The following ENPP3 variants were observed in gnomAD, a reference collection of about 807,000 sequenced individuals.
ENPP3 encodes ectonucleotide pyrophosphatase/phosphodiesterase 3.
In ENPP3, 104 loss-of-function variants were observed where a neutral mutation model predicts 117.8. The ratio of observed to expected loss-of-function variants is 0.88; its 90% CI spans 0.75 to 1.04. ENPP3 has a LOEUF of 1.04. Among genes scored for constraint, ENPP3 ranks in the 50% least tolerant of loss-of-function variants. ENPP3 has a pLI of 0.00. For synonymous variants in ENPP3, 380 were observed against 349.9 expected (o/e 1.09, Z -0.96); for missense variants, 1,026 against 1,051.9 (o/e 0.98, Z 0.34).
At chr6:131,641,944 G>A (rs1167888771) in intron 2 of ENPP3, among the ~76,000 whole-genome samples, 1 of 151,064 alleles carries the variant, frequency 6.6e-6, no homozygotes, top group African/African-American at 2.4e-5. Flanking sequence ...ACAGGTGTGT[G>A]CCACCACACC....
intron 21 of ENPP3, among the ~76,000 whole-genome samples, chr6:131,736,100 C>T (rs1421214718): frequency 6.6e-6 from 1 of 152,202 alleles, no homozygotes; most frequent in Non-Finnish European, 1.5e-5. Flanking sequence ...CAGAGGGATG[C>T]AGCACTTTGC....
chr6:131,721,592 CATACA>C (rs1780034065), intron 17 of ENPP3, among the ~76,000 whole-genome samples: 1 of 151,732 alleles, frequency 6.6e-6, no homozygotes, highest in Non-Finnish European at 1.5e-5. Context: ...TTCTATGAAA[CATACA>C]AATACATTTT....
chr6:131,667,178 G>A (rs980888629), intron 6 of ENPP3, among the ~76,000 whole-genome samples: 1 of 151,968 alleles, frequency 6.6e-6, no homozygotes, highest in African/African-American at 2.4e-5. Context: ...TGCTGTGCCA[G>A]GGAGAGGGAC....
chr6:131,643,935 G>GTC (rs1277838969), intron 2 of ENPP3, among the ~76,000 whole-genome samples: 5 of 139,004 alleles, frequency 3.6e-5, no homozygotes, highest in African/African-American at 1.5e-4. Context: ...GTGTGTGTGT[G>GTC]TGTGTGTCTG....
intron 20 of ENPP3, among the ~76,000 whole-genome samples, chr6:131,727,764 C>T (rs1403938104): frequency 6.6e-6 from 1 of 152,088 alleles, no homozygotes; most frequent in Non-Finnish European, 1.5e-5. Context: ...ATACCACCCA[C>T]CACATGGGTA....
chr6:131,683,236 AGT>A, intron 12 of ENPP3, 74 bp downstream of exon 12: 1 of 831,752 alleles, frequency 1.2e-6, no homozygotes, highest in Non-Finnish European at 2.0e-6. Context: ...CACAAATAAT[AGT>A]GATATTTTAA....
chr6:131,700,688 G>A lies in ENPP3; in HGVS notation c.1412+7064G>A, dbSNP rs1353951577. ...TCACACAGAGGTGGGAGAAGCAGGT[G>A]CGGAAGGCTTTCCTCTGAACTTCCC... On this transcript the variant is annotated intron_variant, in intron 15 of 24. Coordinates refer to ENST00000357639, the MANE Select transcript of ENPP3 (RefSeq NM_005021.5). The A allele has an allele frequency of 3.8e-6, 6 of 1,559,654 alleles. 1 individual carries two copies. Among genetic ancestry groups the A allele is most frequent in the Non-Finnish European group, 5.1e-6 (6 of 1,166,202 alleles).
At chr6:131,687,049 G>A (rs1278641223) in intron 14 of ENPP3, among the ~76,000 whole-genome samples, 1 of 152,172 alleles carries the variant, frequency 6.6e-6, no homozygotes, top group African/African-American at 2.4e-5. Flanking sequence ...GGATTGCTGG[G>A]TAGAATGGTA....
chr6:131,687,019 G>C (rs1001953907), intron 14 of ENPP3, among the ~76,000 whole-genome samples: 1 of 152,122 alleles, frequency 6.6e-6, no homozygotes, highest in Non-Finnish European at 1.5e-5. Flanking sequence ...TTTTGGTGGA[G>C]GGGTATATCC....
intron 15 of ENPP3, among the ~76,000 whole-genome samples, chr6:131,699,235 CAAAAAAAAAAAAA>C (rs4053087): frequency 3.7e-5 from 4 of 107,976 alleles, no homozygotes; most frequent in African/African-American, 1.6e-4. Context: ...AAGACTGTCT[CAAAAAAAAAAAAA>C]AAAAAAAAGG....
chr6:131,656,766 C>CA lies in ENPP3; in HGVS notation c.465-1541dup, dbSNP rs776315476. ...TGGGCAACAAAGCAAGACTCCGTCT[C>CA]AAAAAAAAAAAAAAAAGTTTGTTGT... On this transcript the variant is annotated intron_variant, in intron 5 of 24. Transcript: ENST00000357639. Among the ~76,000 whole-genome samples, 287 of 90,694 alleles carry CA rather than the reference C, an allele frequency of 3.2e-3. 1 individual carries two copies. The highest frequency in any genetic ancestry group is 8.6e-3 in the Middle Eastern group (1 of 116). The allele number at this position is 90,694 out of a possible 152,430, so 59.5% of individuals were successfully genotyped here. A position where few individuals can be genotyped will look rare whatever the true frequency, so the allele number is the denominator to read the frequency against.
chr6:131,727,555 C>CAAAAAAAAAAAAA (rs773470669), intron 20 of ENPP3, among the ~76,000 whole-genome samples: 1 of 52,264 alleles, frequency 1.9e-5, no homozygotes, highest in African/African-American at 6.1e-5. Context: ...AAGTCCATCT[C>CAAAAAAAAAAAAA]AAAAAAAAAA....
intron 11 of ENPP3, among the ~76,000 whole-genome samples, chr6:131,679,435 T>A (rs1207053258): frequency 2.0e-5 from 3 of 152,036 alleles, no homozygotes; most frequent in Non-Finnish European, 4.4e-5. Context: ...TTGATATGAT[T>A]TGTCCTTTGA....
At position 131,675,149 on chromosome 6, in the gene ENPP3, A is replaced by G. The variant is rs746262237; in HGVS notation, c.832A>G (p.Ile278Val). ...CTTTTGGCCCGGATCAGAAGTGGCTATAAATGGCTCCTTTCCTTCCATATA... is the reference window on the plus strand; with the variant it reads ...CTTTTGGCCCGGATCAGAAGTGGCTGTAAATGGCTCCTTTCCTTCCATATA... The part of the protein sequence containing the change: ...TYFWPGSEVA[I>V]NGSFPSIYMP... The change falls in exon 9 of 25, where the codon ATA becomes GTA. Residue 278 changes from isoleucine (I) to valine (V), a missense_variant. Ile to Val is a conservative substitution (Grantham distance 29). Coordinates refer to ENST00000357639, the MANE Select transcript of ENPP3 (RefSeq NM_005021.5). The G allele has an allele frequency of 1.8e-5, 29 of 1,613,396 alleles. No individual in the cohort carries two copies. The highest frequency in any genetic ancestry group is 1.6e-4 in the East Asian group (7 of 44,862).
rs555901589 is a variant in ENPP3, at chr6:131,672,584, G to A, written c.642+1257G>A. On this transcript the variant is annotated intron_variant, in intron 7 of 24. Coordinates refer to ENST00000357639, the MANE Select transcript of ENPP3 (RefSeq NM_005021.5). ...GAACCTAACTCTCTATTTTTCCTAG[G>A]AGCAATGGTTCAGTAATCATTAATT... Among the ~76,000 whole-genome samples, 8 of 152,042 alleles carry A rather than the reference G, an allele frequency of 5.3e-5. No individual in the cohort carries two copies. In the South Asian group the frequency reaches 1.7e-3, roughly 32 times the overall value.
At chr6:131,740,950 G>A (rs1469004597) in intron 24 of ENPP3, among the ~76,000 whole-genome samples, 2 of 151,966 alleles carry the variant, frequency 1.3e-5, no homozygotes, top group East Asian at 3.9e-4. Context: ...TCTTCCCAAT[G>A]TTAGCACTAA....
At chr6:131,720,269 A>C (rs768281967) in intron 16 of ENPP3, 23 bp from the exon 17 acceptor site, 1 of 1,417,918 alleles carries the variant, frequency 7.1e-7, no homozygotes, top group African/African-American at 1.5e-5. Context: ...TCTAATAATA[A>C]TAATCTGACT....
At chr6:131,657,096 A>T (rs916917526) in intron 5 of ENPP3, among the ~76,000 whole-genome samples, 1 of 152,194 alleles carries the variant, frequency 6.6e-6, no homozygotes, top group Non-Finnish European at 1.5e-5. Flanking sequence ...TGCGAATTGC[A>T]GTAGGCCACT....
chr6:131,661,289 AC>A (rs914935595), intron 6 of ENPP3, among the ~76,000 whole-genome samples: 1 of 151,410 alleles, frequency 6.6e-6, no homozygotes, highest in African/African-American at 2.4e-5. Flanking sequence ...TTTTTGAGAA[AC>A]CTCCATGCCA....
Sources: allele counts gnomAD v4.1 joint callset (sites outside exome capture counted in the v4.1 genomes callset), GRCh38; gene constraint gnomAD v4.1.1; transcripts MANE v1.5; gene names NCBI Gene and HGNC (gene_info 2026-07-23, HGNC 2026-07-21).